SRP9: variants seen among roughly 807,000 people sequenced by gnomAD.
SRP9 encodes the protein signal recognition particle 9, also known as signal recognition particle 9 kDa protein.
Under a neutral mutation model 11.7 loss-of-function variants are expected in SRP9, and 2 were observed. The ratio of observed to expected loss-of-function variants is 0.17; its 90% CI spans 0.07 to 0.54. The LOEUF (loss-of-function observed/expected upper bound fraction) is 0.54, where lower values mean the gene tolerates loss of function less well. SRP9 is among the 20% of genes least tolerant of loss of function. SRP9 has a pLI of 0.94. For synonymous variants in SRP9, 27 were observed against 35.6 expected (o/e 0.76, Z 0.86); for missense variants, 54 against 108.1 (o/e 0.50, Z 2.22).
At chr1:225,786,586 CAT>C (rs1472065408) in intron 2 of SRP9, among the ~76,000 whole-genome samples, 4 of 152,144 alleles carry the variant, frequency 2.6e-5, no homozygotes, top group Non-Finnish European at 5.9e-5. Context: ...AGTAGCTAAA[CAT>C]GTGGAAAAGG....
Position 225,777,958 on chromosome 1 carries a change from C to T in SRP9, c.18C>T (p.Thr6=), listed in dbSNP as rs374519838. The change falls in exon 1 of 3, where the codon ACC becomes ACT. Residue 6 remains threonine, a synonymous_variant. Transcript: ENST00000304786. ...AGGCCACGATGCCGCAGTACCAGACCTGGGAGGAGTTCAGCCGCGCTGCCG... is the reference window on the plus strand; with the variant it reads ...AGGCCACGATGCCGCAGTACCAGACTTGGGAGGAGTTCAGCCGCGCTGCCG... MPQYQ[T]WEEFSRAAEK... The T allele has an allele frequency of 1.9e-6, 3 of 1,614,116 alleles. No homozygotes were observed. Among genetic ancestry groups the T allele is most frequent in the East Asian group, 2.2e-5 (1 of 44,898 alleles).
chr1:225,785,601 C>T (rs1209756173), intron 2 of SRP9, among the ~76,000 whole-genome samples: 1 of 151,716 alleles, frequency 6.6e-6, no homozygotes, highest in African/African-American at 2.4e-5. Flanking sequence ...AGGATGGTCT[C>T]GAACTCCTGA....
rs763179593 is a variant in SRP9 at position 225,789,218 on chromosome 1, G to A, written c.142-22G>A. The A allele has an allele frequency of 5.6e-6, 9 of 1,605,470 alleles. No homozygotes were observed. In the Admixed American group the frequency reaches 6.8e-5, roughly 12 times the overall value. On this transcript the variant is annotated intron_variant, in intron 2 of 2. Coordinates refer to ENST00000304786, the MANE Select transcript of SRP9 (RefSeq NM_003133.6). The stretch of plus-strand genomic sequence containing the variant: ...GTATCTAGTTTTATATAGTTAATAT[G>A]TACTTCTAAAATTTCTGACAGTGTT...
intron 1 of SRP9, among the ~76,000 whole-genome samples, chr1:225,778,403 CTGA>C (rs1160174188): frequency 6.6e-6 from 1 of 152,210 alleles, no homozygotes; most frequent in Non-Finnish European, 1.5e-5. Context: ...GTATATAAAA[CTGA>C]TGATGTTTTT....
chr1:225,781,399 T>TTC (rs1231084250), intron 1 of SRP9, among the ~76,000 whole-genome samples: 4 of 138,934 alleles, frequency 2.9e-5, no homozygotes, highest in South Asian at 4.7e-4. Context: ...CTTTTTCTTT[T>TTC]TTTTTTTTTT....
At chr1:225,784,024 T>C (rs1665847491) in intron 2 of SRP9, among the ~76,000 whole-genome samples, 1 of 151,960 alleles carries the variant, frequency 6.6e-6, no homozygotes, top group Non-Finnish European at 1.5e-5. Context: ...GTGCCCCATA[T>C]ATATGTGCTT....
chr1:225,788,365 C>A (rs970068852), intron 2 of SRP9, among the ~76,000 whole-genome samples: 1 of 151,824 alleles, frequency 6.6e-6, no homozygotes, highest in African/African-American at 2.4e-5. Flanking sequence ...CCAACCTGGG[C>A]CACAGAGTGA....
chr1:225,784,768 G>A (rs1315233439), intron 2 of SRP9, among the ~76,000 whole-genome samples: 1 of 151,728 alleles, frequency 6.6e-6, no homozygotes, highest in African/African-American at 2.4e-5. Context: ...CATAAACCTG[G>A]GAGGTGGAGC....
chr1:225,782,174 A>AT (rs1477021065), intron 1 of SRP9, among the ~76,000 whole-genome samples: 1 of 150,908 alleles, frequency 6.6e-6, no homozygotes, highest in Non-Finnish European at 1.5e-5. Context: ...TTATTTATTT[A>AT]TTTTTTTTGA....
intron 1 of SRP9, among the ~76,000 whole-genome samples, chr1:225,778,537 C>T (rs539915354): frequency 6.6e-6 from 1 of 152,304 alleles, no homozygotes; most frequent in East Asian, 1.9e-4. Context: ...AATATTTGCA[C>T]CTTTCCTCAG....
At chr1:225,783,091 T>TAA (rs59058799) in intron 1 of SRP9, among the ~76,000 whole-genome samples, 130,695 of 152,158 alleles carry the variant, frequency 0.86, 56,437 homozygotes, top group East Asian at 1. Flanking sequence ...TCCAACTTTT[T>TAA]AAGTCTTAAA....
rs749521346 is a variant in SRP9, at chr1:225,777,937, C to G, written c.-4C>G. On this transcript the variant is annotated 5_prime_UTR_variant, in exon 1 of 3. Coordinates refer to ENST00000304786, the MANE Select transcript of SRP9 (RefSeq NM_003133.6). The stretch of plus-strand genomic sequence containing the variant: ...TTCTCTTTACTTTTCCACTCTAGGC[C>G]ACGATGCCGCAGTACCAGACCTGGG... 1 of 1,613,726 alleles carries G rather than the reference C, an allele frequency of 6.2e-7. No homozygotes were observed. The highest frequency in any genetic ancestry group is 1.1e-5 in the South Asian group (1 of 91,070).
At chr1:225,788,895 A>T in intron 2 of SRP9, 1 of 1,049,812 alleles carries the variant, frequency 9.5e-7, no homozygotes, top group Non-Finnish European at 1.3e-6. Context: ...ATATGTAGGG[A>T]GATAATCTAA....
chr1:225,784,413 AT>A (rs71170100), intron 2 of SRP9, among the ~76,000 whole-genome samples: 4 of 146,482 alleles, frequency 2.7e-5, no homozygotes, highest in Admixed American at 6.8e-5. Flanking sequence ...CGCCCAGCTA[AT>A]TTTTTTTTGT....
chr1:225,788,456 G>A (rs565239051), intron 2 of SRP9, among the ~76,000 whole-genome samples: 19 of 142,304 alleles, frequency 1.3e-4, no homozygotes, highest in Non-Finnish European at 2.6e-4. Context: ...TCACTCTGTC[G>A]CCCAGGCTGG....
At chr1:225,788,922 A>G in intron 2 of SRP9, 2 of 1,374,674 alleles carry the variant, frequency 1.5e-6, no homozygotes, top group Non-Finnish European at 2.0e-6. Context: ...ATTCGAAGGA[A>G]GAAAATATCT....
Position 225,777,926 on chromosome 1 carries a change from C to T in SRP9, c.-15C>T, listed in dbSNP as rs1389365865. 2 of 1,612,248 alleles carry T rather than the reference C, an allele frequency of 1.2e-6. No homozygotes were observed. The highest frequency in any genetic ancestry group is 1.7e-6 in the Non-Finnish European group (2 of 1,178,724). On this transcript the variant is annotated 5_prime_UTR_variant, in exon 1 of 3. Transcript: ENST00000304786. ...TGAGGCCTTGCTTCTCTTTACTTTTCCACTCTAGGCCACGATGCCGCAGTA... is the reference window on the plus strand; with the variant it reads ...TGAGGCCTTGCTTCTCTTTACTTTTTCACTCTAGGCCACGATGCCGCAGTA...
At chr1:225,778,915 CT>C (rs1559004085) in intron 1 of SRP9, among the ~76,000 whole-genome samples, 1 of 152,202 alleles carries the variant, frequency 6.6e-6, no homozygotes, top group Non-Finnish European at 1.5e-5. Flanking sequence ...TCAGTTATCT[CT>C]TTTATGCTGC....
chr1:225,785,894 G>A (rs1035135740), intron 2 of SRP9, among the ~76,000 whole-genome samples: 2 of 152,008 alleles, frequency 1.3e-5, no homozygotes, highest in Non-Finnish European at 1.5e-5. Flanking sequence ...TGTCGCCCAG[G>A]CGGCTGGAGT....
Sources: gnomAD v4.1 joint callset for allele counts (sites outside exome capture counted in the v4.1 genomes callset) on GRCh38, gnomAD v4.1.1 for gene constraint, MANE v1.5 for transcripts, NCBI Gene and HGNC (gene_info 2026-07-23, HGNC 2026-07-21) for gene names.